The following SLC25A47 variants were observed in gnomAD, a reference collection of about 807,000 sequenced individuals.
SLC25A47 encodes the protein HCC-down-regulated mitochondrial carrier protein.
Under a neutral mutation model 29.8 loss-of-function variants are expected in SLC25A47, and 30 were observed. The observed-to-expected ratio is 1.01, with a 90% CI of 0.75 to 1.36. The LOEUF (loss-of-function observed/expected upper bound fraction) is 1.36. Ranked by LOEUF, SLC25A47 falls within the 40% of genes most tolerant of loss-of-function variation. The pLI, the probability that SLC25A47 is intolerant of heterozygous loss-of-function variation, is 0.00. For missense variants in SLC25A47, 430 were observed against 441.9 expected (o/e 0.97, Z 0.24); for synonymous variants, 204 against 197.8 (o/e 1.03, Z -0.26).
chr14:100,323,536 G>A (rs1893285363), intron 1 of SLC25A47, 94 bp downstream of exon 1: 19 of 1,441,296 alleles, frequency 1.3e-5, no homozygotes, highest in Non-Finnish European at 1.7e-5. Flanking sequence ...AGCAGGGTGG[G>A]CTTTGAGGAG....
At chr14:100,323,467 G>T in intron 1 of SLC25A47, 25 bp downstream of exon 1, 1 of 1,613,348 alleles carries the variant, frequency 6.2e-7, no homozygotes. Context: ...GGTGGGCTGT[G>T]CAGACACTGC....
At position 100,328,926 on chromosome 14, in the gene SLC25A47, C is replaced by A; in HGVS notation, c.528C>A (p.Cys176Ter). Reference protein sequence around the residue: ...LATVAREEGLCGLYKGSSALV... With the variant: ...LATVAREEGL ...CGGTAGCCCGTGAGGAGGGGCTGTGCGGCCTCTACAAGGGCAGCTCGGCCC... is the reference window on the plus strand; with the variant it reads ...CGGTAGCCCGTGAGGAGGGGCTGTGAGGCCTCTACAAGGGCAGCTCGGCCC... The change falls in exon 5 of 6, where the codon TGC (cysteine) becomes TGA (stop). Residue 176 changes from cysteine to a stop codon, truncating the protein, a stop_gained. Transcript: ENST00000361529. LOFTEE classifies it high-confidence loss of function. The A allele has an allele frequency of 6.2e-7, 1 of 1,608,026 alleles. No homozygotes were observed. The highest frequency in any genetic ancestry group is 1.1e-5 in the South Asian group (1 of 91,090).
intron 5 of SLC25A47, 96 bp from the exon 6 acceptor site, chr14:100,329,269 T>C: frequency 6.9e-7 from 1 of 1,441,524 alleles, no homozygotes; most frequent in Non-Finnish European, 9.3e-7. Flanking sequence ...CCCAAGCCTG[T>C]TGCAAATGAG....
chr14:100,325,443 GGTAGGATCAAAC>G (rs1893319077), intron 1 of SLC25A47, among the ~76,000 whole-genome samples: 1 of 152,208 alleles, frequency 6.6e-6, no homozygotes, highest in Non-Finnish European at 1.5e-5. Flanking sequence ...GCCCAGCTAG[GGTAGGATCAAAC>G]GTTCTCTCAG....
chr14:100,327,633 C>A (rs1297429731), intron 4 of SLC25A47, among the ~76,000 whole-genome samples: 1 of 152,186 alleles, frequency 6.6e-6, no homozygotes, highest in Non-Finnish European at 1.5e-5. Flanking sequence ...AGGGACTCTC[C>A]CTGTCACGGT....
chr14:100,329,110 G>A, intron 5 of SLC25A47, 66 bp downstream of exon 5: 8 of 1,529,828 alleles, frequency 5.2e-6, no homozygotes, highest in Admixed American at 2.0e-5. Context: ...AGGTGAGGTC[G>A]TGCTGCCCGC....
intron 4 of SLC25A47, 135 bp downstream of exon 4, chr14:100,327,505 T>C (rs1893364020): frequency 9.6e-7 from 1 of 1,037,478 alleles, no homozygotes; most frequent in South Asian, 1.7e-5. Flanking sequence ...TCAGGGGCTG[T>C]GGGAGAAGAA....
At position 100,328,866 on chromosome 14, in the gene SLC25A47, G is replaced by A. The variant is rs899713015; in HGVS notation, c.468G>A (p.Glu156=). 6.2e-6 allele frequency: 10 copies of A among 1,612,302 alleles called. No homozygotes were observed. Among genetic ancestry groups the A allele is most frequent in the Non-Finnish European group, 7.6e-6 (9 of 1,179,764 alleles). ...PMCPVPPACP[E]PKYRGPLHCL... is the part of the protein sequence containing the mutation. ...GTCCTGTGCCCCCAGCCTGCCCAGA[G>A]CCCAAGTACCGCGGGCCACTGCACT... is the stretch of plus-strand genomic sequence containing the variant. Residue 156 remains glutamate, a synonymous_variant, in exon 5 of 6, where the codon GAG becomes GAA. Transcript: ENST00000361529.
Position 100,327,376 on chromosome 14 carries a change from T to C in SLC25A47, c.327+6T>C. The C allele has an allele frequency of 1.3e-6, 2 of 1,585,814 alleles. No homozygotes were observed. The highest frequency in any genetic ancestry group is 1.3e-5 in the African/African-American group (1 of 74,742). ...GCGCCTCCGGCCTCGTCCGCGTGAG[T>C]AGGGGCAGCCAGGGTGGGGAAGGCC... On this transcript the variant is annotated splice_donor_region_variant and intron_variant, in intron 4 of 5. Transcript: ENST00000361529.
chr14:100,328,712 C>T lies in SLC25A47; in HGVS notation c.328-14C>T, dbSNP rs776245318. On this transcript the variant is annotated splice_polypyrimidine_tract_variant and intron_variant, in intron 4 of 5. Transcript: ENST00000361529. The stretch of plus-strand genomic sequence containing the variant: ...GCCACAGGTGGCTGACCCCTGCTTC[C>T]TTCTCTGCTCCAGGTGTTCCTGACG... 76 of 1,612,694 alleles carry T rather than the reference C, an allele frequency of 4.7e-5. No individual in the cohort carries two copies. In the East Asian group the frequency reaches 1.7e-3, roughly 35 times the overall value.
chr14:100,324,212 A>G (rs1566823232), intron 1 of SLC25A47, among the ~76,000 whole-genome samples: 2 of 150,950 alleles, frequency 1.3e-5, no homozygotes. Context: ...TACCTGCCCC[A>G]TTAACAGGCT....
chr14:100,326,981 A>G (rs1893350388), intron 3 of SLC25A47, among the ~76,000 whole-genome samples: 1 of 151,886 alleles, frequency 6.6e-6, no homozygotes, highest in African/African-American at 2.4e-5. Context: ...GTCATCAAGC[A>G]GCTGGGCTGG....
chr14:100,323,924 A>C (rs970160690), intron 1 of SLC25A47, among the ~76,000 whole-genome samples: 3 of 152,114 alleles, frequency 2.0e-5, no homozygotes, highest in Admixed American at 6.5e-5. Context: ...GGGTGTGTGC[A>C]CCTGGCTAGG....
chr14:100,328,550 T>C (rs567970580), intron 4 of SLC25A47, among the ~76,000 whole-genome samples, 176 bp from the exon 5 acceptor site: 15 of 152,288 alleles, frequency 9.8e-5, no homozygotes, highest in Admixed American at 9.1e-4. Context: ...GGCTTTGGCA[T>C]TGGGTGGGCG....
In SLC25A47 at chr14:100,329,360, T is replaced by C; in HGVS notation, c.647-5T>C. 1 of 1,593,320 alleles carries C rather than the reference T, an allele frequency of 6.3e-7. No homozygotes were observed. Among genetic ancestry groups the C allele is most frequent in the Non-Finnish European group, 8.5e-7 (1 of 1,170,480 alleles). ...CCCAGTCAAGGCACTGTGGTCTCTC[T>C]GCAGATGTCCCGGGCGTGCTGGTGG... On this transcript the variant is annotated splice_polypyrimidine_tract_variant and splice_region_variant and intron_variant, in intron 5 of 5. Coordinates refer to ENST00000361529, the MANE Select transcript of SLC25A47 (RefSeq NM_207117.4).
rs1893409467 is a variant in SLC25A47, at chr14:100,329,493, C to T, written c.775C>T (p.Leu259=). Residue 259 remains leucine, a synonymous_variant, in exon 6 of 6, where the codon CTG becomes TTG. Transcript: ENST00000361529. ...GGGCCAGAGGCGCTACCGGGGTCTC[C>T]TGCACTGTATGGTGACCAGCGTTCG... ...GQGQRRYRGL[L]HCMVTSVREE... is the part of the protein sequence containing the mutation. The T allele has an allele frequency of 1.2e-6, 2 of 1,613,312 alleles. No homozygotes were observed. Among genetic ancestry groups the T allele is most frequent in the Non-Finnish European group, 1.7e-6 (2 of 1,180,002 alleles).
chr14:100,329,424 A>G lies in SLC25A47; in HGVS notation c.706A>G (p.Thr236Ala), dbSNP rs755877938. Residue 236 changes from threonine to alanine, a missense_variant, in exon 6 of 6, where the codon ACC becomes GCC. Physicochemically the swap from Thr to Ala is moderately conservative, Grantham distance 58. Transcript: ENST00000361529. ...AGGAGTCCTGGCCTGGGCTGTGGCC[A>G]CCCCCATGGACGTGATCAAGTCGAG... ...CAGVLAWAVA[T>A]PMDVIKSRLQ... The G allele has an allele frequency of 1.2e-6, 2 of 1,612,924 alleles. No individual in the cohort carries two copies. Among genetic ancestry groups the G allele is most frequent in the South Asian group, 2.2e-5 (2 of 91,070 alleles).
At chr14:100,324,044 A>C (rs1432489970) in intron 1 of SLC25A47, among the ~76,000 whole-genome samples, 1 of 152,060 alleles carries the variant, frequency 6.6e-6, no homozygotes, top group Non-Finnish European at 1.5e-5. Context: ...GCCCTGGGAC[A>C]CGGGCTCAGC....
rs2139846368 is a variant in SLC25A47 at position 100,327,306 on chromosome 14, A to G, written c.263A>G (p.Asn88Ser). 6.2e-7 allele frequency: 1 copy of G among 1,603,872 alleles called. No individual in the cohort carries two copies. Among genetic ancestry groups the G allele is most frequent in the South Asian group, 1.1e-5 (1 of 91,054 alleles). ...CACATCTGCCGGCTCCGGTACGGCA[A>G]CCCTGACGCCAAGCCCACCAAGGCC... Reference protein sequence around the residue: ...LAHICRLRYGNPDAKPTKADI... With the variant: ...LAHICRLRYGSPDAKPTKADI... Residue 88 changes from asparagine (N) to serine (S), a missense_variant, in exon 4 of 6, where the codon AAC becomes AGC. Asn to Ser is a conservative substitution (Grantham distance 46). Transcript: ENST00000361529.
Sources: gnomAD v4.1 joint callset for allele counts (sites outside exome capture counted in the v4.1 genomes callset) on GRCh38, gnomAD v4.1.1 for gene constraint, MANE v1.5 for transcripts, NCBI Gene and HGNC (gene_info 2026-07-23, HGNC 2026-07-21) for gene names.